The following SET variants were observed in gnomAD, a reference collection of about 807,000 sequenced individuals.
The protein encoded by SET is protein SET.
SET carries 4 observed loss-of-function variants against 39.0 expected under a neutral mutation model. That is an observed-to-expected ratio of 0.10 (90% CI 0.05 to 0.23). SET has a LOEUF of 0.23. Ranked by LOEUF, SET falls within the 10% of genes least tolerant of loss-of-function variation. The pLI, the probability that SET is intolerant of heterozygous loss-of-function variation, is 1.00. For missense variants in SET, 137 were observed against 329.7 expected (o/e 0.42, Z 4.53); for synonymous variants, 114 against 115.9 (o/e 0.98, Z 0.11).
chr9:128,689,499 G>A lies in SET; in HGVS notation c.-84G>A. 1.4e-6 allele frequency: 1 copy of A among 692,646 alleles called. No individual in the cohort carries two copies. Among genetic ancestry groups the A allele is most frequent in the South Asian group, 3.5e-5 (1 of 28,912 alleles). 42.9% of individuals were successfully genotyped at this position (692,646 alleles called of 1,614,324 possible). ...GACCGAGCGGGCGCCCGCGCGTGTG[G>A]CGTGAGGGGAAGCCGCTTGCCCGCC... On this transcript the variant is annotated 5_prime_UTR_variant, in exon 1 of 8. Coordinates refer to ENST00000322030, the MANE Select transcript of SET (RefSeq NM_003011.4).
At chr9:128,685,116 T>C, upstream of SET, 7 of 1,558,820 alleles carry the variant, frequency 4.5e-6, no homozygotes, top group Non-Finnish European at 6.1e-6. Flanking sequence ...ACCTCAGGGC[T>C]CAGTGTGGAC....
rs1861731215 is a variant in SET, at chr9:128,696,135, C to G, written c.*1471C>G. On this transcript the variant is annotated 3_prime_UTR_variant, in exon 8 of 8. Coordinates refer to ENST00000322030, the MANE Select transcript of SET (RefSeq NM_003011.4). ...GCAGAGAAGCACCCTAATGCATAAG[C>G]TTTTTAATGCTGTAAAATATAGTCG... The G allele has an allele frequency of 4.6e-6, 1 of 217,612 alleles. No homozygotes were observed. Among genetic ancestry groups the G allele is most frequent in the Non-Finnish European group, 9.3e-6 (1 of 106,972 alleles). The allele number at this position is 217,612 out of a possible 1,614,324, so 13.5% of individuals were successfully genotyped here.
chr9:128,684,334 C>A (rs781066202), upstream of SET, among the ~76,000 whole-genome samples: 9 of 152,148 alleles, frequency 5.9e-5, no homozygotes, highest in Non-Finnish European at 7.3e-5. Context: ...CCCTCCACAT[C>A]CAGCCAAATC....
At chr9:128,684,511 T>C (rs1286174737), upstream of SET, among the ~76,000 whole-genome samples, 4 of 152,014 alleles carry the variant, frequency 2.6e-5, no homozygotes, top group Non-Finnish European at 5.9e-5. Flanking sequence ...GCCAATCACG[T>C]GGCCCACTCC....
At chr9:128,693,448 A>G (rs1450525610) in intron 5 of SET, among the ~76,000 whole-genome samples, 190 bp from the exon 6 acceptor site, 1 of 152,206 alleles carries the variant, frequency 6.6e-6, no homozygotes. Flanking sequence ...TTTATGGAAA[A>G]CCAAATGTAG....
Position 128,693,885 on chromosome 9 carries a change from T to C in SET, c.664-11T>C. The stretch of plus-strand genomic sequence containing the variant: ...AAATGAGTCCTTATATTGTGCTTTT[T>C]TTTTTTTAAGGTTCCCGATATGGAT... On this transcript the variant is annotated splice_polypyrimidine_tract_variant and intron_variant, in intron 6 of 7. Transcript: ENST00000322030. 1 of 1,597,332 alleles carries C rather than the reference T, an allele frequency of 6.3e-7. No homozygotes were observed. The highest frequency in any genetic ancestry group is 1.4e-5 in the African/African-American group (1 of 73,608).
exon 1 of SET, chr9:128,683,786 C>T (rs1238932099): frequency 1.4e-5 from 12 of 860,406 alleles, no homozygotes; most frequent in East Asian, 2.7e-5. Flanking sequence ...CCAGGCAGGG[C>T]GGCTCCAGTG....
At position 128,689,389 on chromosome 9, in the gene SET, G is replaced by C. The variant is rs1466915586; in HGVS notation, c.-194G>C. The stretch of plus-strand genomic sequence containing the variant: ...GGGGCCCGGCACGCCGCCCCAGCCC[G>C]TCCCTCGGCGTCAGGCCGCGAGGGT... On this transcript the variant is annotated 5_prime_UTR_variant, in exon 1 of 8. Coordinates refer to ENST00000322030, the MANE Select transcript of SET (RefSeq NM_003011.4). The C allele has an allele frequency of 3.2e-6, 3 of 947,400 alleles. No individual in the cohort carries two copies. The highest frequency in any genetic ancestry group is 3.9e-6 in the Non-Finnish European group (3 of 768,972). The allele number at this position is 947,400 out of a possible 1,614,324, so 58.7% of individuals were successfully genotyped here.
At chr9:128,685,203 T>C (rs1861243469), upstream of SET, 1 of 1,600,892 alleles carries the variant, frequency 6.2e-7, no homozygotes, top group South Asian at 1.1e-5. Flanking sequence ...GCTTGAAACC[T>C]ACCTTGCTGG....
chr9:128,687,220 A>G (rs761438649), upstream of SET, among the ~76,000 whole-genome samples: 44 of 151,292 alleles, frequency 2.9e-4, no homozygotes, highest in Non-Finnish European at 5.3e-4. Flanking sequence ...TTAGCTTGGC[A>G]TGGTAGTGGG....
At chr9:128,690,154 G>C (rs1368344985) in intron 1 of SET, 3 of 174,108 alleles carry the variant, frequency 1.7e-5, no homozygotes, top group Non-Finnish European at 3.4e-5. Context: ...GAGCTCGGGT[G>C]GGGTGGGGGC....
chr9:128,685,189 C>T, upstream of SET: 2 of 1,600,464 alleles, frequency 1.2e-6, no homozygotes, highest in Non-Finnish European at 1.7e-6. Flanking sequence ...AGACCTCCTG[C>T]CCAGCTTGAA....
intron 1 of SET, among the ~76,000 whole-genome samples, 154 bp downstream of exon 1, chr9:128,689,809 T>G (rs1180050319): frequency 7.0e-6 from 1 of 142,632 alleles, no homozygotes; most frequent in Admixed American, 6.9e-5. Flanking sequence ...CGGCGCCCTT[T>G]TTTGTGCGCG....
upstream of SET, among the ~76,000 whole-genome samples, chr9:128,688,253 T>G (rs1861356062): frequency 1.3e-5 from 2 of 152,218 alleles, no homozygotes; most frequent in South Asian, 4.1e-4. Context: ...TTTTTCTGGC[T>G]TTTTATGGTT....
intron 7 of SET, 77 bp from the exon 8 acceptor site, chr9:128,694,564 G>C (rs894011191): frequency 1.0e-6 from 1 of 958,256 alleles, no homozygotes; most frequent in African/African-American, 1.7e-5. Flanking sequence ...AGGGGCACTC[G>C]TGGGGTCCAT....
In SET at chr9:128,689,561, C is replaced by T; in HGVS notation, c.-22C>T. 1 of 1,335,962 alleles carries T rather than the reference C, an allele frequency of 7.5e-7. No homozygotes were observed. Among genetic ancestry groups the T allele is most frequent in the Non-Finnish European group, 9.8e-7 (1 of 1,017,408 alleles). 82.8% of individuals were successfully genotyped at this position (1,335,962 alleles called of 1,614,324 possible). ...CCCTTCTCTCCCCCTCCCCGCTCCC[C>T]CCCCGACCGCGGAGCAGCACCATGT... On this transcript the variant is annotated 5_prime_UTR_variant, in exon 1 of 8. Coordinates refer to ENST00000322030, the MANE Select transcript of SET (RefSeq NM_003011.4).
chr9:128,692,676 G>T lies in SET; in HGVS notation c.289G>T (p.Gly97Trp). The change falls in exon 4 of 8, where the codon GGG becomes TGG. Residue 97 changes from glycine to tryptophan, a missense_variant. Gly to Trp is a radical substitution (Grantham distance 184, BLOSUM62 -2). Transcript: ENST00000322030. ...VNHPQVSALL[G>W]EEDEEALHYL... ...TTCTGGCCTAGTGTCTGCACTGCTT[G>T]GGGAGGAAGATGAAGAGGCACTGCA... 6.2e-7 allele frequency: 1 copy of T among 1,610,208 alleles called. No homozygotes were observed. Among genetic ancestry groups the T allele is most frequent in the South Asian group, 1.1e-5 (1 of 90,970 alleles).
exon 1 of SET, chr9:128,683,996 C>G: frequency 6.4e-7 from 1 of 1,551,704 alleles, no homozygotes; most frequent in Non-Finnish European, 8.7e-7. Context: ...GCAGGCTTGC[C>G]GAAGAAGGGA....
rs1280032508 is a variant in SET at position 128,689,541 on chromosome 9, C to T, written c.-42C>T. 16 of 1,112,210 alleles carry T rather than the reference C, an allele frequency of 1.4e-5. No homozygotes were observed. The highest frequency in any genetic ancestry group is 3.7e-5 in the South Asian group (2 of 54,572). 68.9% of individuals were successfully genotyped at this position (1,112,210 alleles called of 1,614,324 possible). A position where few individuals can be genotyped will look rare whatever the true frequency, so the allele number is the denominator to read the frequency against. On this transcript the variant is annotated 5_prime_UTR_variant, in exon 1 of 8. Coordinates refer to ENST00000322030, the MANE Select transcript of SET (RefSeq NM_003011.4). ...TTGCCCGCCCCCTTCGCCTTCCCTT[C>T]TCTCCCCCTCCCCGCTCCCCCCCCG...
Sources: gnomAD v4.1 joint callset for allele counts (sites outside exome capture counted in the v4.1 genomes callset) on GRCh38, gnomAD v4.1.1 for gene constraint, MANE v1.5 for transcripts, NCBI Gene and HGNC (gene_info 2026-07-23, HGNC 2026-07-21) for gene names.